PHYHIPL: variants seen among roughly 807,000 people sequenced by gnomAD.
PHYHIPL encodes the protein phytanoyl-CoA hydroxylase-interacting protein-like.
Under a neutral mutation model 33.4 loss-of-function variants are expected in PHYHIPL, and 9 were observed. The ratio of observed to expected loss-of-function variants is 0.27; its 90% confidence interval spans 0.16 to 0.47. The LOEUF (loss-of-function observed/expected upper bound fraction) is 0.47. PHYHIPL is among the 20% of genes least tolerant of loss of function. PHYHIPL has a pLI of 0.99. For missense variants in PHYHIPL, 365 were observed against 460.7 expected, an observed-to-expected ratio of 0.79 and a Z score of 1.90; for synonymous variants, 153 against 154.1, an observed-to-expected ratio of 0.99 and a Z score of 0.05.
Position 59,245,340 on chromosome 10 carries a change from G to A in PHYHIPL, c.880G>A (p.Glu294Lys), listed in dbSNP as rs1453785308. 5 of 1,614,058 alleles carry A rather than the reference G, an allele frequency of 3.1e-6. No individual in the cohort carries two copies. Among genetic ancestry groups the A allele is most frequent in the Non-Finnish European group, 4.2e-6 (5 of 1,180,046 alleles). Residue 294 changes from glutamate (E) to lysine (K), a missense_variant, in exon 5 of 5, where the codon GAA (glutamate) becomes AAA (lysine). Glu to Lys is a moderately conservative substitution (Grantham distance 56). Transcript: ENST00000373880. ...VIAPVGSPGD[E>K]FCKQRLPQLN... ...TGCTCCTGTGGGATCACCAGGAGAT[G>A]AATTTTGTAAGCAGCGCCTTCCTCA...
chr10:59,231,418 T>C (rs1840075880), intron 1 of PHYHIPL, among the ~76,000 whole-genome samples: 1 of 151,754 alleles, frequency 6.6e-6, no homozygotes, highest in South Asian at 2.1e-4. Flanking sequence ...GCAAAGCAAA[T>C]AGAAGTAAGA....
chr10:59,205,867 T>A (rs1839270186), intron 1 of PHYHIPL, among the ~76,000 whole-genome samples: 1 of 152,166 alleles, frequency 6.6e-6, no homozygotes, highest in South Asian at 2.1e-4. Flanking sequence ...CTGGCTTTCG[T>A]AATATAAATT....
intron 1 of PHYHIPL, among the ~76,000 whole-genome samples, chr10:59,199,620 G>A (rs1839036494): frequency 6.6e-6 from 1 of 152,098 alleles, no homozygotes. Flanking sequence ...GATGGAAATG[G>A]CATTGAATCT....
At chr10:59,217,443 G>A (rs902118459) in intron 1 of PHYHIPL, among the ~76,000 whole-genome samples, 1 of 151,700 alleles carries the variant, frequency 6.6e-6, no homozygotes, top group African/African-American at 2.4e-5. Context: ...TGAATTTCTA[G>A]TGCAGAAAAA....
chr10:59,174,725 A>G (rs1421719080), upstream of PHYHIPL, among the ~76,000 whole-genome samples: 1 of 152,144 alleles, frequency 6.6e-6, no homozygotes, highest in East Asian at 1.9e-4. Context: ...ATAATTTCTC[A>G]TTCCCTTAAG....
chr10:59,182,898 A>G (rs898097158), intron 1 of PHYHIPL, among the ~76,000 whole-genome samples: 1 of 152,208 alleles, frequency 6.6e-6, no homozygotes, highest in African/African-American at 2.4e-5. Context: ...AAATCTGAAG[A>G]ATCATTGACA....
intron 1 of PHYHIPL, among the ~76,000 whole-genome samples, chr10:59,196,312 T>C (rs995184137): frequency 5.3e-5 from 8 of 151,388 alleles, no homozygotes; most frequent in African/African-American, 1.9e-4. Context: ...TTTATAATTT[T>C]AAATTGCTAT....
chr10:59,188,246 GT>G (rs1282766334), intron 1 of PHYHIPL, among the ~76,000 whole-genome samples: 1 of 152,182 alleles, frequency 6.6e-6, no homozygotes, highest in Non-Finnish European at 1.5e-5. Context: ...TCAGGAACAG[GT>G]TGTTCGTTTT....
chr10:59,192,815 A>T (rs886193865), intron 1 of PHYHIPL, among the ~76,000 whole-genome samples: 1 of 152,142 alleles, frequency 6.6e-6, no homozygotes, highest in African/African-American at 2.4e-5. Flanking sequence ...GATACCAGCA[A>T]ATAAAATAGG....
chr10:59,188,272 G>A (rs1251071165), intron 1 of PHYHIPL, among the ~76,000 whole-genome samples: 4 of 152,192 alleles, frequency 2.6e-5, no homozygotes, highest in Non-Finnish European at 4.4e-5. Flanking sequence ...GTAGTTGAGC[G>A]GTTTTGAGTG....
At chr10:59,205,062 C>A (rs985719316) in intron 1 of PHYHIPL, among the ~76,000 whole-genome samples, 7 of 152,092 alleles carry the variant, frequency 4.6e-5, no homozygotes, top group Non-Finnish European at 1.0e-4. Flanking sequence ...GCCATGTTGG[C>A]CAGGTTGGCC....
At chr10:59,192,590 G>C (rs186821595) in intron 1 of PHYHIPL, among the ~76,000 whole-genome samples, 5 of 152,176 alleles carry the variant, frequency 3.3e-5, no homozygotes, top group Admixed American at 2.6e-4. Flanking sequence ...AATGAACTGG[G>C]ATATTGAACT....
chr10:59,199,585 C>T (rs1282046481), intron 1 of PHYHIPL, among the ~76,000 whole-genome samples: 1 of 152,144 alleles, frequency 6.6e-6, no homozygotes, highest in African/African-American at 2.4e-5. Flanking sequence ...TTTTCCAATT[C>T]TGTGAAGAAA....
rs557370067 is a variant in PHYHIPL, at chr10:59,199,159, A to G, written c.106+22200A>G. 1.2e-3 allele frequency among the ~76,000 whole-genome samples: 179 copies of G among 152,238 alleles called. 1 individual carries two copies. Among genetic ancestry groups the G allele is most frequent in the Middle Eastern group, 0.01 (3 of 294 alleles). On this transcript the variant is annotated intron_variant, in intron 1 of 4. Coordinates refer to ENST00000373880, the MANE Select transcript of PHYHIPL (RefSeq NM_032439.4). ...GCCTATGTCCTGAATGGTATTGCCT[A>G]GGTTTTCTTCTAGGGTTTTTATGGT...
intron 2 of PHYHIPL, 77 bp downstream of exon 2, chr10:59,234,577 A>G (rs770402370): frequency 2.4e-5 from 25 of 1,039,104 alleles, no homozygotes; most frequent in Non-Finnish European, 3.4e-5. Flanking sequence ...AAGAACGAAT[A>G]ATATTCTATT....
intron 1 of PHYHIPL, chr10:59,177,222 G>A (rs1589252422): frequency 1.7e-6 from 1 of 580,950 alleles, no homozygotes. Context: ...GCCTGGCCCG[G>A]ACGAGGGCGA....
intron 1 of PHYHIPL, among the ~76,000 whole-genome samples, chr10:59,227,396 A>G (rs1839955377): frequency 6.6e-6 from 1 of 151,864 alleles, no homozygotes; most frequent in Admixed American, 6.6e-5. Context: ...TAGGGTGAGA[A>G]CTCACTCCCA....
At position 59,203,242 on chromosome 10, in the gene PHYHIPL, G is replaced by A. The variant is rs1839180117; in HGVS notation, c.106+26283G>A. 2.0e-5 allele frequency among the ~76,000 whole-genome samples: 3 copies of A among 152,190 alleles called. No homozygotes were observed. The South Asian group carries it at 6.2e-4, about 32-fold the overall frequency. On this transcript the variant is annotated intron_variant, in intron 1 of 4. Coordinates refer to ENST00000373880, the MANE Select transcript of PHYHIPL (RefSeq NM_032439.4). ...ATACCATCTCACACCAGTTAGAATG[G>A]TGATCATTAAAAAGCCAGGAAACAA... is the stretch of plus-strand genomic sequence containing the variant.
intron 3 of PHYHIPL, 147 bp downstream of exon 3, chr10:59,236,804 A>G (rs1252326154): frequency 1.6e-6 from 1 of 617,430 alleles, no homozygotes; most frequent in Non-Finnish European, 2.5e-6. Flanking sequence ...TAACAGAATA[A>G]ACAATGTTGT....
Sources: allele counts gnomAD v4.1 joint callset (sites outside exome capture counted in the v4.1 genomes callset), GRCh38; gene constraint gnomAD v4.1.1; transcripts MANE v1.5; gene names NCBI Gene and HGNC (gene_info 2026-07-23, HGNC 2026-07-21).